ALKBH2: variants seen among roughly 807,000 people sequenced by gnomAD.
The protein encoded by ALKBH2 is alkB homolog 2, alpha-ketoglutarate dependent dioxygenase.
A neutral mutation model predicts 19.7 loss-of-function variants in ALKBH2; 19 were observed. The observed-to-expected ratio is 0.97, with a 90% CI of 0.67 to 1.42. The LOEUF (loss-of-function observed/expected upper bound fraction) is 1.42, where lower values mean the gene tolerates loss of function less well. ALKBH2 is among the 40% of genes most tolerant of loss of function. ALKBH2 has a pLI of 0.00. For synonymous variants in ALKBH2, 135 were observed against 131.2 expected, an observed-to-expected ratio of 1.03 and a Z score of -0.20; for missense variants, 310 against 328.5, an observed-to-expected ratio of 0.94 and a Z score of 0.43.
intron 2 of ALKBH2, chr12:109,092,182 G>A (rs1281252929): frequency 4.5e-6 from 1 of 224,574 alleles, no homozygotes; most frequent in African/African-American, 2.3e-5. Flanking sequence ...GATTCTGATT[G>A]AAGTGCTCTG....
At chr12:109,092,486 C>T (rs774581120) in intron 2 of ALKBH2, 21 bp downstream of exon 2, 1 of 1,545,120 alleles carries the variant, frequency 6.5e-7, no homozygotes, top group South Asian at 1.3e-5. Context: ...CACACACACA[C>T]ACACACACCC....
chr12:109,092,483 A>ACAC (rs386377710), intron 2 of ALKBH2, 24 bp downstream of exon 2: 1 of 1,539,074 alleles, frequency 6.5e-7, no homozygotes, highest in Non-Finnish European at 8.7e-7. Flanking sequence ...GCACACACAC[A>ACAC]CACACACACA....
chr12:109,092,360 G>A (rs2042074237), intron 2 of ALKBH2, 147 bp downstream of exon 2: 1 of 1,264,572 alleles, frequency 7.9e-7, no homozygotes, highest in African/African-American at 1.5e-5. Context: ...TAGCCCAGAG[G>A]TGCTCAGAGA....
chr12:109,091,570 C>T (rs1279427461), intron 2 of ALKBH2, among the ~76,000 whole-genome samples: 3 of 152,100 alleles, frequency 2.0e-5, no homozygotes, highest in Non-Finnish European at 2.9e-5. Flanking sequence ...CACAGTCTCA[C>T]TCTGTTGCCC....
intron 2 of ALKBH2, among the ~76,000 whole-genome samples, chr12:109,092,095 A>G (rs1044743291): frequency 1.3e-5 from 2 of 152,250 alleles, no homozygotes; most frequent in African/African-American, 4.8e-5. Context: ...GAGACCAGTG[A>G]TTCTCAAACC....
At position 109,090,189 on chromosome 12, in the gene ALKBH2, T is replaced by C. The variant is rs2042040537; in HGVS notation, c.299A>G (p.Gln100Arg). 6.2e-7 allele frequency: 1 copy of C among 1,613,842 alleles called. No individual in the cohort carries two copies. Among genetic ancestry groups the C allele is most frequent in the East Asian group, 2.2e-5 (1 of 44,876 alleles). The change falls in exon 3 of 4, where the codon CAG (glutamine) becomes CGG (arginine). Residue 100 changes from glutamine (Q) to arginine (R), a missense_variant. Coordinates refer to ENST00000429722, the MANE Select transcript of ALKBH2 (RefSeq NM_001145374.2). ...CACACTGTGCCACTTCCCGAATACC[T>C]GGACTCTGGCCAGTGCTCCTGTGCA... The part of the protein sequence containing the change: ...EYFTGALARV[Q>R]VFGKWHSVPR...
chr12:109,091,471 C>A (rs1232154680), intron 2 of ALKBH2, among the ~76,000 whole-genome samples: 1 of 152,146 alleles, frequency 6.6e-6, no homozygotes, highest in African/African-American at 2.4e-5. Context: ...GATCCTCCTG[C>A]CTCAGCCTCC....
chr12:109,092,346 G>A (rs2042074039), intron 2 of ALKBH2, 161 bp downstream of exon 2: 1 of 1,134,008 alleles, frequency 8.8e-7, no homozygotes, highest in African/African-American at 1.6e-5. Context: ...GCACCTAAGG[G>A]GCTTAGCCCA....
In ALKBH2 at chr12:109,092,601, A is replaced by G; in HGVS notation, c.186T>C (p.Ala62=). The G allele has an allele frequency of 6.2e-7, 1 of 1,614,158 alleles. No individual in the cohort carries two copies. The stretch of plus-strand genomic sequence containing the variant: ...CTGTGTAACTGCAGTCCAGGCCCTC[A>G]GCCCGAATGTGCCGCCAGCTAGGGC... The part of the protein sequence containing the change: ...SAGPSWRHIR[A]EGLDCSYTVL... The change falls in exon 2 of 4, where the codon GCT becomes GCC. Residue 62 remains alanine, a synonymous_variant. Coordinates refer to ENST00000429722, the MANE Select transcript of ALKBH2 (RefSeq NM_001145374.2).
chr12:109,089,962 A>C (rs965009780), intron 3 of ALKBH2, 47 bp downstream of exon 3: 1 of 1,600,834 alleles, frequency 6.2e-7, no homozygotes, highest in Non-Finnish European at 8.6e-7. Flanking sequence ...TTCCTTTTGG[A>C]GGAGACAGAA....
rs531480242 is a variant in ALKBH2, at chr12:109,092,472, T to TGC, written c.280+33_280+34dup. On this transcript the variant is annotated intron_variant, in intron 2 of 3. Coordinates refer to ENST00000429722, the MANE Select transcript of ALKBH2 (RefSeq NM_001145374.2). The stretch of plus-strand genomic sequence containing the variant: ...TTAATTGCACCAAACAAGCCCTCAA[T>TGC]GCACACACACACACACACACACCCC... 173 of 821,278 alleles carry TGC rather than the reference T, an allele frequency of 2.1e-4. No homozygotes were observed. The South Asian group carries it at 3.5e-3, about 17-fold the overall frequency. The allele number at this position is 821,278 out of a possible 1,614,324, so 50.9% of individuals were successfully genotyped here.
rs1286425689 is a variant in ALKBH2, at chr12:109,092,935, GTCCTAGAAAGGAAACAGAAGA to G, written c.-151-19_-150del. The G allele has an allele frequency of 1.1e-4, 160 of 1,445,306 alleles. No homozygotes were observed. In the East Asian group the frequency reaches 3.9e-3, roughly 36 times the overall value. 89.5% of individuals were successfully genotyped at this position (1,445,306 alleles called of 1,614,324 possible). On this transcript the variant is annotated splice_acceptor_variant and splice_polypyrimidine_tract_variant and 5_prime_UTR_variant and intron_variant, in exon 2 of 4. Coordinates refer to ENST00000429722, the MANE Select transcript of ALKBH2 (RefSeq NM_001145374.2). LOFTEE classifies it low-confidence loss of function (5UTR_SPLICE). The stretch of plus-strand genomic sequence containing the variant: ...TTTTCATTTTAAAGTTTAAAACCAT[GTCCTAGAAAGGAAACAGAAGA>G]TGTTAAAGCCGGAAGGGACCCTAGG...
rs1454727624 is a variant in ALKBH2, at chr12:109,091,394, AAAG to A, written c.280+1110_280+1112del. Among the ~76,000 whole-genome samples, 6 of 152,186 alleles carry A rather than the reference AAAG, an allele frequency of 3.9e-5. No homozygotes were observed. The East Asian group carries it at 9.7e-4, about 25-fold the overall frequency. ...GAGCGAGACCCTGTCTCAAAGCATAAAAGAATAAAGTGACGAGGGGGTCTCACT... is the reference window on the plus strand; with the variant it reads ...GAGCGAGACCCTGTCTCAAAGCATAAAATAAAGTGACGAGGGGGTCTCACT... On this transcript the variant is annotated intron_variant, in intron 2 of 3. Coordinates refer to ENST00000429722, the MANE Select transcript of ALKBH2 (RefSeq NM_001145374.2).
intron 1 of ALKBH2, 33 bp from the exon 2 acceptor site, chr12:109,092,970 A>AGG: frequency 7.2e-7 from 1 of 1,390,704 alleles, no homozygotes; most frequent in Non-Finnish European, 9.3e-7. Flanking sequence ...TAAAGCCGGA[A>AGG]GGGACCCTAG....
At chr12:109,092,438 A>G (rs2042075146) in intron 2 of ALKBH2, 69 bp downstream of exon 2, 1 of 1,457,850 alleles carries the variant, frequency 6.9e-7, no homozygotes, top group Admixed American at 2.7e-5. Flanking sequence ...TTCTCCAAAC[A>G]TACGATCATT....
At position 109,088,769 on chromosome 12, in the gene ALKBH2, C is replaced by T. The variant is rs2042011087; in HGVS notation, c.480-257G>A. Among the ~76,000 whole-genome samples, 1 of 152,234 alleles carries T rather than the reference C, an allele frequency of 6.6e-6. No homozygotes were observed. The highest frequency in any genetic ancestry group is 1.5e-5 in the Non-Finnish European group (1 of 68,042). On this transcript the variant is annotated intron_variant, in intron 3 of 3. Coordinates refer to ENST00000429722, the MANE Select transcript of ALKBH2 (RefSeq NM_001145374.2). The surrounding 1 kb of genome is among the most constrained non-coding windows in gnomAD (Gnocchi z 4.2). ...TCGCTCTGTCACCCAGGCTGAAGTG[C>T]AGTGGCACAATCATAGCTCACTGCA...
At chr12:109,090,402 T>C (rs556946553) in intron 2 of ALKBH2, among the ~76,000 whole-genome samples, 195 bp from the exon 3 acceptor site, 67 of 152,338 alleles carry the variant, frequency 4.4e-4, no homozygotes, top group African/African-American at 1.6e-3. Context: ...TCTTCAATCA[T>C]CATTTTGGCT....
rs1430946552 is a variant in ALKBH2, at chr12:109,092,708, G to A, written c.79C>T (p.Pro27Ser). The A allele has an allele frequency of 3.1e-6, 5 of 1,613,998 alleles. No homozygotes were observed. Among genetic ancestry groups the A allele is most frequent in the South Asian group, 1.1e-5 (1 of 90,996 alleles). Residue 27 changes from proline to serine, a missense_variant, in exon 2 of 4, where the codon CCA becomes TCA. Transcript: ENST00000429722. ...QEEQEPTGEEPAVLGGDKEST... is the reference protein window; with the variant it reads ...QEEQEPTGEESAVLGGDKEST... ...TCTTTGTCTCCTCCCAACACAGCTG[G>A]CTCTTCTCCAGTTGGCTCTTGCTCC...
rs1054291346 is a variant in ALKBH2 at position 109,088,596 on chromosome 12, G to A, written c.480-84C>T. Reference sequence around the variant, plus strand: ...ACCGCCAGCCCTCGTTTTCCTCACAGTGTGAAACAGCACTCTGCATGGCTG... The same window carrying A: ...ACCGCCAGCCCTCGTTTTCCTCACAATGTGAAACAGCACTCTGCATGGCTG... On this transcript the variant is annotated intron_variant, in intron 3 of 3. Transcript: ENST00000429722. This position sits in a 1 kb window ranked among gnomAD's most constrained non-coding sequence, Gnocchi z 4.2. 2 of 1,304,220 alleles carry A rather than the reference G, an allele frequency of 1.5e-6. No individual in the cohort carries two copies. The highest frequency in any genetic ancestry group is 1.4e-5 in the South Asian group (1 of 70,768). 80.8% of individuals were successfully genotyped at this position (1,304,220 alleles called of 1,614,324 possible). A position where few individuals can be genotyped will look rare whatever the true frequency, so the allele number is the denominator to read the frequency against.
Sources: allele counts gnomAD v4.1 joint callset (sites outside exome capture counted in the v4.1 genomes callset), GRCh38; gene constraint gnomAD v4.1.1; non-coding constraint Gnocchi (gnomAD v3.1); transcripts MANE v1.5; gene names NCBI Gene and HGNC (gene_info 2026-07-23, HGNC 2026-07-21).